Variants in STK32A observed in about 807,000 individuals in gnomAD.
STK32A encodes the protein serine/threonine-protein kinase 32A.
In STK32A, 41 loss-of-function variants were observed where a neutral mutation model predicts 53.2. That is an observed-to-expected ratio of 0.77 (90% confidence interval 0.60 to 1.00). The LOEUF is 1.00. STK32A is among the 50% of genes least tolerant of loss of function. The pLI is 0.00. For missense variants in STK32A, 458 were observed against 485.8 expected (o/e 0.94, Z 0.54); for synonymous variants, 166 against 162.8 (o/e 1.02, Z -0.15).
intron 8 of STK32A, among the ~76,000 whole-genome samples, chr5:147,362,376 G>A (rs1042281514): frequency 1.3e-5 from 2 of 152,130 alleles, no homozygotes; most frequent in South Asian, 2.1e-4. Context: ...CTTGCAGATA[G>A]CAGCCTTTTT....
chr5:147,278,059 T>C, intron 2 of STK32A, 65 bp from the exon 3 acceptor site: 1 of 1,343,672 alleles, frequency 7.4e-7, no homozygotes, highest in African/African-American at 1.4e-5. Flanking sequence ...CCAATCTTTA[T>C]TATTTATTAG....
chr5:147,304,821 A>G (rs1479774852), intron 4 of STK32A, among the ~76,000 whole-genome samples: 1 of 152,092 alleles, frequency 6.6e-6, no homozygotes, highest in African/African-American at 2.4e-5. Flanking sequence ...AAAAGAGCAG[A>G]CCCCTTACTT....
the STK32A span, chr5:147,401,918 G>C: frequency 2.2e-6 from 1 of 445,482 alleles, no homozygotes; most frequent in Non-Finnish European, 3.8e-6. Context: ...TTGGTTGTTA[G>C]ATGCAGTGTT....
chr5:147,289,070 G>A (rs1752479294), intron 4 of STK32A, among the ~76,000 whole-genome samples: 1 of 152,118 alleles, frequency 6.6e-6, no homozygotes, highest in Non-Finnish European at 1.5e-5. Flanking sequence ...TCTAAATGGT[G>A]CTTGGCCCCA....
chr5:147,260,308 TC>T (rs1230026878), intron 2 of STK32A, among the ~76,000 whole-genome samples: 1 of 150,718 alleles, frequency 6.6e-6, no homozygotes, highest in East Asian at 2.0e-4. Context: ...TCTCTCTCTC[TC>T]TCTCTCTCTT....
rs1217370133 is a variant in STK32A at position 147,351,081 on chromosome 5, A to C, written c.489A>C (p.Thr163=). ...TCTCTGCAGGGCACGTGCACATCAC[A>C]GATTTCAACATTGCTGCGATGCTGC... ...LLDEHGHVHI[T]DFNIAAMLPR... is the part of the protein sequence containing the mutation. The change falls in exon 7 of 13, where the codon ACA becomes ACC. Residue 163 remains threonine (T), a synonymous_variant. Coordinates refer to ENST00000397936, the MANE Select transcript of STK32A (RefSeq NM_001112724.2). 3.7e-6 allele frequency: 6 copies of C among 1,613,966 alleles called. No homozygotes were observed. The highest frequency in any genetic ancestry group is 1.7e-6 in the Non-Finnish European group (2 of 1,179,870).
chr5:147,383,059 T>A, intron 11 of STK32A: 1 of 229,522 alleles, frequency 4.4e-6, no homozygotes, highest in Non-Finnish European at 8.4e-6. Context: ...TGTGCTCAGC[T>A]CCCTCCCATG....
intron 4 of STK32A, among the ~76,000 whole-genome samples, chr5:147,308,986 T>C (rs1753559555): frequency 6.6e-6 from 1 of 151,196 alleles, no homozygotes; most frequent in Admixed American, 6.6e-5. Context: ...TATAAATATG[T>C]ATTCTATTTA....
chr5:147,260,474 G>C (rs1008313168), intron 2 of STK32A, among the ~76,000 whole-genome samples: 2 of 152,074 alleles, frequency 1.3e-5, no homozygotes, highest in Non-Finnish European at 2.9e-5. Context: ...AGAAAGGGGG[G>C]GTTTATGTGA....
intron 8 of STK32A, among the ~76,000 whole-genome samples, chr5:147,366,556 C>T (rs1257236388): frequency 6.6e-6 from 1 of 152,138 alleles, no homozygotes; most frequent in East Asian, 1.9e-4. Context: ...ATTCTCTGAC[C>T]TCCCTATCTA....
chr5:147,251,551 A>G (rs1040812822), intron 2 of STK32A, among the ~76,000 whole-genome samples: 3 of 152,326 alleles, frequency 2.0e-5, no homozygotes, highest in Middle Eastern at 3.4e-3. Context: ...AGTTATAGCT[A>G]TCTTCCCAGG....
At chr5:147,307,314 T>C (rs939622920) in intron 4 of STK32A, among the ~76,000 whole-genome samples, 2 of 152,026 alleles carry the variant, frequency 1.3e-5, no homozygotes, top group Admixed American at 6.6e-5. Flanking sequence ...GTGATTTCTG[T>C]GTTCTCTTTA....
chr5:147,371,694 A>T lies in STK32A; in HGVS notation c.777+924A>T, dbSNP rs148546247. On this transcript the variant is annotated intron_variant, in intron 9 of 12. Transcript: ENST00000397936. ...GGACACTGCTGTAGCATCTAAACAC[A>T]TGATCAATGGACTTATCTTATTGAA... is the stretch of plus-strand genomic sequence containing the variant. 7.4e-4 allele frequency among the ~76,000 whole-genome samples: 112 copies of T among 152,326 alleles called. 2 individuals carry two copies. In the East Asian group the frequency reaches 0.021, roughly 29 times the overall value.
chr5:147,289,603 T>C (rs1752505227), intron 4 of STK32A, among the ~76,000 whole-genome samples: 1 of 152,000 alleles, frequency 6.6e-6, no homozygotes, highest in African/African-American at 2.4e-5. Context: ...CACAAACATA[T>C]GTTTTTCAAT....
At chr5:147,340,096 G>T (rs1195910739) in intron 5 of STK32A, among the ~76,000 whole-genome samples, 1 of 152,192 alleles carries the variant, frequency 6.6e-6, no homozygotes, top group Non-Finnish European at 1.5e-5. Context: ...GTGTCTTTTA[G>T]CATGCTCATG....
intron 5 of STK32A, among the ~76,000 whole-genome samples, chr5:147,326,200 TATC>T (rs1754580067): frequency 6.6e-6 from 1 of 152,206 alleles, no homozygotes; most frequent in African/African-American, 2.4e-5. Context: ...TTCTCACCGT[TATC>T]ATCATTTTGC....
At chr5:147,375,859 C>G (rs532093123) in intron 11 of STK32A, 2 of 152,298 alleles carry the variant, frequency 1.3e-5, no homozygotes, top group African/African-American at 4.8e-5. Context: ...GGATTTTATA[C>G]TCACATGTGG....
At chr5:147,284,507 A>C (rs1313276065) in intron 4 of STK32A, among the ~76,000 whole-genome samples, 1 of 151,950 alleles carries the variant, frequency 6.6e-6, no homozygotes, top group East Asian at 1.9e-4. Flanking sequence ...TAACTTGAAA[A>C]CCCTAAGGAC....
intron 2 of STK32A, among the ~76,000 whole-genome samples, chr5:147,277,302 C>A (rs547910692): frequency 6.6e-6 from 1 of 152,268 alleles, no homozygotes; most frequent in South Asian, 2.1e-4. Context: ...CAAAGATTGT[C>A]ACCTGCACAG....
Sources: gnomAD v4.1 joint callset for allele counts (sites outside exome capture counted in the v4.1 genomes callset) on GRCh38, gnomAD v4.1.1 for gene constraint, MANE v1.5 for transcripts, NCBI Gene and HGNC (gene_info 2026-07-23, HGNC 2026-07-21) for gene names.